Variants in MOG observed in about 807,000 individuals in gnomAD.
MOG encodes myelin oligodendrocyte glycoprotein.
In MOG, 20 loss-of-function variants were observed where a neutral mutation model predicts 35.9. The ratio of observed to expected loss-of-function variants is 0.56; its 90% CI spans 0.39 to 0.81. MOG has a LOEUF of 0.81. Among genes scored for constraint, MOG ranks in the 30% least tolerant of loss-of-function variants. The pLI, the probability that MOG is intolerant of heterozygous loss-of-function variation, is 0.00. For synonymous variants in MOG, 92 were observed against 114.3 expected, an observed-to-expected ratio of 0.80 and a Z score of 1.25; for missense variants, 251 against 301.0, an observed-to-expected ratio of 0.83 and a Z score of 1.23.
Position 29,670,394 on chromosome 6 carries a change from G to A in MOG, c.706G>A (p.Ala236Thr), listed in dbSNP as rs745631299. 2 of 1,613,954 alleles carry A rather than the reference G, an allele frequency of 1.2e-6. No homozygotes were observed. Among genetic ancestry groups the A allele is most frequent in the African/African-American group, 2.7e-5 (2 of 74,918 alleles). Reference sequence around the variant, plus strand: ...CTACAACTGGCTACATCGAAGACTAGCAGGTGCAGTGGCTGGGCAGCAGGC... The same window carrying A: ...CTACAACTGGCTACATCGAAGACTAACAGGTGCAGTGGCTGGGCAGCAGGC... Reference protein sequence around the residue: ...ICYNWLHRRLAGQFLEELRNP... With the variant: ...ICYNWLHRRLTGQFLEELRNP... The change falls in exon 6 of 8, where the codon GCA becomes ACA. Residue 236 changes from alanine to threonine, a missense_variant. Ala to Thr is a moderately conservative substitution (Grantham distance 58). Transcript: ENST00000376917. The surrounding 1 kb of genome is among the most constrained non-coding windows in gnomAD (Gnocchi z 4.2).
At chr6:29,665,154 T>G (rs1049174783) in intron 2 of MOG, among the ~76,000 whole-genome samples, 3 of 151,764 alleles carry the variant, frequency 2.0e-5, no homozygotes, top group African/African-American at 7.3e-5. Flanking sequence ...TGGAGTGCAA[T>G]GGCAAGATCT....
At chr6:29,660,382 T>G (rs182971160) in intron 2 of MOG, among the ~76,000 whole-genome samples, 1,676 of 143,542 alleles carry the variant, frequency 0.012, 16 homozygotes, top group Admixed American at 0.022. Flanking sequence ...AAAAAAAAAA[T>G]TAGCCAGGCA....
chr6:29,659,702 T>C, intron 2 of MOG, 36 bp downstream of exon 2: 12 of 1,553,142 alleles, frequency 7.7e-6, no homozygotes, highest in Non-Finnish European at 1.1e-5. Context: ...TATTAACTGT[T>C]GGGTGGCCAA....
chr6:29,659,957 CA>C, intron 2 of MOG: 1 of 515,772 alleles, frequency 1.9e-6, no homozygotes, highest in Non-Finnish European at 3.5e-6. Context: ...ATTATTTTAG[CA>C]CTAGGCCAGA....
intron 1 of MOG, among the ~76,000 whole-genome samples, chr6:29,658,520 T>C (rs1767682936): frequency 6.6e-6 from 1 of 152,056 alleles, no homozygotes; most frequent in African/African-American, 2.4e-5. Flanking sequence ...AAGGACTGAA[T>C]AGTGAGAAGT....
intron 2 of MOG, among the ~76,000 whole-genome samples, chr6:29,660,248 G>A (rs186017066): frequency 6.9e-5 from 9 of 130,030 alleles, no homozygotes; most frequent in Non-Finnish European, 8.5e-5. Flanking sequence ...TGGGCCCAGC[G>A]CCGTGGCTCA....
At chr6:29,668,474 T>C (rs1770702852) in intron 5 of MOG, among the ~76,000 whole-genome samples, 1 of 152,190 alleles carries the variant, frequency 6.6e-6, no homozygotes, top group South Asian at 2.1e-4. Flanking sequence ...CTAAAGATAA[T>C]GGCAACAGAA....
chr6:29,664,214 A>AT (rs759286771), intron 2 of MOG, among the ~76,000 whole-genome samples: 3,181 of 139,624 alleles, frequency 0.023, 65 homozygotes, highest in African/African-American at 0.047. Flanking sequence ...TTATTTATTT[A>AT]TTTTTTTTTT....
intron 4 of MOG, 98 bp from the exon 5 acceptor site, chr6:29,667,806 C>T: frequency 6.5e-7 from 1 of 1,548,272 alleles, no homozygotes; most frequent in Non-Finnish European, 8.9e-7. Flanking sequence ...GTGTGTCGTG[C>T]CTAGAACAAG....
In MOG at chr6:29,657,255, T is replaced by TTCCTCC; in HGVS notation, c.62_67dup (p.Leu21_Leu22dup). On this transcript the variant is annotated inframe_insertion, in exon 1 of 8. Transcript: ENST00000376917. Reference sequence around the variant, plus strand: ...CTCTCTGCCCAGCTGCCTCTGCTCCTTCCTCCTCCTCCTCCTCCTCCAAGT... The same window carrying TTCCTCC: ...CTCTCTGCCCAGCTGCCTCTGCTCCTTCCTCCTCCTCCTCCTCCTCCTCCTCCAAGT... The TTCCTCC allele has an allele frequency of 6.5e-7, 1 of 1,539,692 alleles. No individual in the cohort carries two copies. Among genetic ancestry groups the TTCCTCC allele is most frequent in the Non-Finnish European group, 8.9e-7 (1 of 1,120,614 alleles).
rs1768056123 is a variant in MOG, at chr6:29,659,651, G to A, written c.421G>A (p.Glu141Lys). The change falls in exon 2 of 8, where the codon GAA becomes AAA. Residue 141 changes from glutamate to lysine, a missense_variant. Physicochemically the swap from Glu to Lys is moderately conservative, Grantham distance 56. Transcript: ENST00000376917. ...TTCTTACCAAGAGGAGGCAGCAATGGAATTGAAAGTAGAAGGTGAGTAGTG... is the reference window on the plus strand; with the variant it reads ...TTCTTACCAAGAGGAGGCAGCAATGAAATTGAAAGTAGAAGGTGAGTAGTG... ...DHSYQEEAAM[E>K]LKVEDPFYWV... The A allele has an allele frequency of 1.2e-6, 2 of 1,612,916 alleles. No homozygotes were observed. Among genetic ancestry groups the A allele is most frequent in the African/African-American group, 1.3e-5 (1 of 74,930 alleles).
chr6:29,659,336 G>T lies in MOG; in HGVS notation c.106G>T (p.Gly36Ter). ...TTGGACAGGGCAGTTCAGAGTGATA[G>T]GACCAAGACACCCTATCCGGGCTCT... ...SSYAGQFRVI[G>*]PRHPIRALVG... The change falls in exon 2 of 8, where the codon GGA becomes TGA. Residue 36 changes from glycine (G) to a stop codon, truncating the protein, a stop_gained. Transcript: ENST00000376917. LOFTEE classifies it high-confidence loss of function. 6.2e-7 allele frequency: 1 copy of T among 1,612,838 alleles called. No homozygotes were observed. The highest frequency in any genetic ancestry group is 8.5e-7 in the Non-Finnish European group (1 of 1,179,938).
chr6:29,665,913 C>A (rs2857786), intron 2 of MOG, among the ~76,000 whole-genome samples: 2 of 152,140 alleles, frequency 1.3e-5, no homozygotes, highest in Admixed American at 1.3e-4. Context: ...ACTCCCCCAG[C>A]CTGACCCAAT....
rs200245124 is a variant in MOG at position 29,672,289 on chromosome 6, A to AAAATAAATAAATAAAT, written c.*1136_*1151dup. ...AGTGACAGAGTAAGACTCTGTCTCA[A>AAAATAAATAAATAAAT]AAATAAATAAATAAATAAATAAATA... On this transcript the variant is annotated 3_prime_UTR_variant, in exon 8 of 8. Transcript: ENST00000376917. 6.5e-5 allele frequency: 11 copies of AAAATAAATAAATAAAT among 168,100 alleles called. No homozygotes were observed. The highest frequency in any genetic ancestry group is 2.3e-4 in the South Asian group (1 of 4,426). 10.4% of individuals were successfully genotyped at this position (168,100 alleles called of 1,614,324 possible). A position where few individuals can be genotyped will look rare whatever the true frequency, so the allele number is the denominator to read the frequency against.
intron 4 of MOG, 101 bp from the exon 5 acceptor site, chr6:29,667,803 G>T: frequency 6.5e-7 from 1 of 1,540,596 alleles, no homozygotes; most frequent in East Asian, 2.2e-5. Flanking sequence ...TGGGTGTGTC[G>T]TGCCTAGAAC....
intron 2 of MOG, chr6:29,664,711 C>T: frequency 2.3e-6 from 1 of 436,618 alleles, no homozygotes. Flanking sequence ...CTCAAGTGAT[C>T]CTCCTGACTC....
At position 29,671,418 on chromosome 6, in the gene MOG, C is replaced by T. The variant is rs778738644; in HGVS notation, c.*233C>T. ...ATTACCCTTCTTTCCATTTCTCTCT[C>T]CAGTCTTCCACCTGGAAGCCCTCTC... On this transcript the variant is annotated 3_prime_UTR_variant, in exon 8 of 8. Coordinates refer to ENST00000376917, the MANE Select transcript of MOG (RefSeq NM_206809.4). 2 of 1,612,388 alleles carry T rather than the reference C, an allele frequency of 1.2e-6. No individual in the cohort carries two copies. The highest frequency in any genetic ancestry group is 4.5e-5 in the East Asian group (2 of 44,880).
chr6:29,657,506 C>CAA (rs1183075599), intron 1 of MOG, among the ~76,000 whole-genome samples: 2 of 151,004 alleles, frequency 1.3e-5, no homozygotes, highest in Non-Finnish European at 2.9e-5. Flanking sequence ...TTTTTTGAGA[C>CAA]AGAGTCTCCC....
At chr6:29,663,964 A>C (rs1211332776) in intron 2 of MOG, 8 of 926,822 alleles carry the variant, frequency 8.6e-6, no homozygotes, top group Non-Finnish European at 1.0e-5. Context: ...CATTATCCTT[A>C]CTCAGCTCCC....
Sources: gnomAD v4.1 joint callset for allele counts (sites outside exome capture counted in the v4.1 genomes callset) on GRCh38, gnomAD v4.1.1 for gene constraint, Gnocchi (gnomAD v3.1) non-coding constraint, MANE v1.5 for transcripts, NCBI Gene and HGNC (gene_info 2026-07-23, HGNC 2026-07-21) for gene names.